The following MBNL2 variants were observed in gnomAD, a reference collection of about 807,000 sequenced individuals.
MBNL2 encodes the protein muscleblind-like protein 2.
In MBNL2, 17 loss-of-function variants were observed where a neutral mutation model predicts 41.9. The ratio of observed to expected loss-of-function variants is 0.41; its 90% CI spans 0.28 to 0.61. The LOEUF (loss-of-function observed/expected upper bound fraction) is 0.61. MBNL2 is among the 20% of genes least tolerant of loss of function. The pLI is 0.35. For missense variants in MBNL2, 336 were observed against 505.6 expected, an observed-to-expected ratio of 0.66 and a Z score of 3.22; for synonymous variants, 195 against 182.9, an observed-to-expected ratio of 1.07 and a Z score of -0.53.
At chr13:97,278,835 A>T (rs2052736924) in intron 2 of MBNL2, among the ~76,000 whole-genome samples, 1 of 152,238 alleles carries the variant, frequency 6.6e-6, no homozygotes, top group Admixed American at 6.5e-5. Context: ...AAACTGTCCA[A>T]CTGAAAAGAA....
intron 2 of MBNL2, among the ~76,000 whole-genome samples, chr13:97,279,299 T>C (rs1330237912): frequency 2.0e-5 from 3 of 152,196 alleles, no homozygotes; most frequent in Non-Finnish European, 2.9e-5. Flanking sequence ...TGGGACGAGT[T>C]ATTTTACCTC....
At chr13:97,322,016 G>T (rs139567952) in intron 2 of MBNL2, among the ~76,000 whole-genome samples, 1 of 152,164 alleles carries the variant, frequency 6.6e-6, no homozygotes, top group Non-Finnish European at 1.5e-5. Flanking sequence ...TATGTACAAC[G>T]TTATATAAGT....
rs1454525770 is a variant in MBNL2, at chr13:97,392,771, C to T, written c.*1322C>T. ...TATGTTGCACATAGCCTATACAGTA[C>T]CTACATAGTTTTTAAATTATTGTTT... On this transcript the variant is annotated 3_prime_UTR_variant, in exon 9 of 9. Transcript: ENST00000679496. The T allele has an allele frequency of 3.9e-5, 6 of 152,150 alleles. No homozygotes were observed. The East Asian group carries it at 1.2e-3, about 29-fold the overall frequency. The allele number at this position is 152,150 out of a possible 1,614,324, so 9.4% of individuals were successfully genotyped here.
chr13:97,161,913 G>C, the MBNL2 span, among the ~76,000 whole-genome samples: 2 of 152,184 alleles, frequency 1.3e-5, no homozygotes, highest in African/African-American at 2.4e-5. Context: ...GAGTACATCT[G>C]TGTCAGTCCA....
intron 2 of MBNL2, among the ~76,000 whole-genome samples, chr13:97,307,371 A>C (rs1003840592): frequency 1.6e-4 from 24 of 151,756 alleles, no homozygotes; most frequent in African/African-American, 5.1e-4. Flanking sequence ...AAAGAGATGT[A>C]TATTTTTCTT....
chr13:97,304,800 TA>T (rs2057972741), intron 2 of MBNL2, among the ~76,000 whole-genome samples: 1 of 152,250 alleles, frequency 6.6e-6, no homozygotes, highest in African/African-American at 2.4e-5. Context: ...AATACATTAT[TA>T]CATAAACAAA....
chr13:97,315,614 G>A (rs2058974154), intron 2 of MBNL2, among the ~76,000 whole-genome samples: 1 of 152,184 alleles, frequency 6.6e-6, no homozygotes, highest in Admixed American at 6.5e-5. Flanking sequence ...ATTCATGTGA[G>A]GGAAGGTCAG....
chr13:97,173,401 A>G, the MBNL2 span, among the ~76,000 whole-genome samples: 3 of 152,356 alleles, frequency 2.0e-5, no homozygotes, highest in Admixed American at 6.5e-5. Context: ...GGTTCCCACT[A>G]TGCAGGAAGG....
intron 8 of MBNL2, among the ~76,000 whole-genome samples, chr13:97,378,468 T>TATCA (rs2153151960): frequency 6.6e-6 from 1 of 152,350 alleles, no homozygotes. Flanking sequence ...GGACACTGAT[T>TATCA]ATCATGAGCT....
intron 1 of MBNL2, among the ~76,000 whole-genome samples, chr13:97,269,885 G>A (rs546609049): frequency 1.6e-4 from 25 of 152,222 alleles, no homozygotes; most frequent in Admixed American, 3.9e-4. Flanking sequence ...TGGAACTATC[G>A]TAGAGAGAGA....
At chr13:97,298,088 T>C (rs1176547785) in intron 2 of MBNL2, among the ~76,000 whole-genome samples, 1 of 152,092 alleles carries the variant, frequency 6.6e-6, no homozygotes, top group Non-Finnish European at 1.5e-5. Flanking sequence ...TAGATATAGT[T>C]AATGGGTGCA....
chr13:97,338,107 C>T (rs1200663713), intron 3 of MBNL2, among the ~76,000 whole-genome samples: 2 of 152,234 alleles, frequency 1.3e-5, no homozygotes, highest in African/African-American at 2.4e-5. Flanking sequence ...ATGTGCCCCT[C>T]CATGCTTTTC....
intron 2 of MBNL2, among the ~76,000 whole-genome samples, chr13:97,324,399 A>T (rs1233989414): frequency 6.6e-6 from 1 of 152,204 alleles, no homozygotes; most frequent in Non-Finnish European, 1.5e-5. Flanking sequence ...AAGTAGACAG[A>T]AAAGGCCTGC....
upstream of MBNL2, among the ~76,000 whole-genome samples, chr13:97,220,078 C>A (rs1055606332): frequency 2.0e-5 from 3 of 152,142 alleles, no homozygotes; most frequent in African/African-American, 4.8e-5. Context: ...AATATGATAT[C>A]AATTCTTGAG....
intron 5 of MBNL2, among the ~76,000 whole-genome samples, chr13:97,355,583 C>A (rs377757282): frequency 6.6e-6 from 1 of 151,730 alleles, no homozygotes; most frequent in African/African-American, 2.4e-5. Flanking sequence ...ATTTTATTTG[C>A]AAAGAATTCC....
At chr13:97,261,894 C>T (rs956701384) in intron 1 of MBNL2, among the ~76,000 whole-genome samples, 3 of 152,206 alleles carry the variant, frequency 2.0e-5, no homozygotes, top group African/African-American at 7.2e-5. Context: ...TCCATGACAG[C>T]CAGCCACCCT....
chr13:97,162,623 C>G, the MBNL2 span, among the ~76,000 whole-genome samples: 2 of 152,174 alleles, frequency 1.3e-5, no homozygotes, highest in African/African-American at 4.8e-5. Context: ...GCGCTCCTCA[C>G]TGTTTCTTCA....
At chr13:97,355,810 G>C (rs1018063930) in intron 5 of MBNL2, among the ~76,000 whole-genome samples, 1 of 152,124 alleles carries the variant, frequency 6.6e-6, no homozygotes, top group Non-Finnish European at 1.5e-5. Context: ...TTTAGCTGTT[G>C]TATTTGTTCT....
the MBNL2 span, among the ~76,000 whole-genome samples, chr13:97,142,578 C>T: frequency 0.019 from 2,843 of 152,334 alleles, 82 homozygotes; most frequent in African/African-American, 0.065. Flanking sequence ...CTGGCCTCCT[C>T]GAAGGAGGCT....
Sources: allele counts gnomAD v4.1 joint callset (sites outside exome capture counted in the v4.1 genomes callset), GRCh38; gene constraint gnomAD v4.1.1; transcripts MANE v1.5; gene names NCBI Gene and HGNC (gene_info 2026-07-23, HGNC 2026-07-21).